Variants in C3orf85 observed in about 807,000 individuals in gnomAD.
The protein encoded by C3orf85 is chromosome 3 open reading frame 85.
Under a neutral mutation model 1.7 loss-of-function variants are expected in C3orf85, and 1 was observed. That is an observed-to-expected ratio of 0.60 (90% CI 0.21 to 2.86). The LOEUF is 2.86. Ranked by LOEUF, C3orf85 falls within the 30% of genes most tolerant of loss-of-function variation. C3orf85 has a pLI of 0.22. For synonymous variants in C3orf85, 17 were observed against 8.0 expected (o/e 2.13, Z -1.90); for missense variants, 29 against 21.3 (o/e 1.36, Z -0.72).
At chr3:109,143,249 C>T (rs924093193) in intron 2 of C3orf85, among the ~76,000 whole-genome samples, 8 of 152,148 alleles carry the variant, frequency 5.3e-5, no homozygotes, top group Non-Finnish European at 1.0e-4. Context: ...GCTTTCTGAT[C>T]TTTTAGATAT....
At chr3:109,146,354 C>T (rs1165173486) in intron 2 of C3orf85, 1 of 152,142 alleles carries the variant, frequency 6.6e-6, no homozygotes, top group Admixed American at 6.5e-5. Context: ...TCAGTAAGTG[C>T]GTATAATGCA....
intron 2 of C3orf85, among the ~76,000 whole-genome samples, chr3:109,144,188 G>C (rs185625240): frequency 1.3e-5 from 2 of 152,214 alleles, no homozygotes; most frequent in African/African-American, 4.8e-5. Context: ...ATATTAGATA[G>C]GTTCACAAAC....
intron 2 of C3orf85, among the ~76,000 whole-genome samples, chr3:109,142,892 C>T (rs2107834331): frequency 6.6e-6 from 1 of 152,242 alleles, no homozygotes; most frequent in African/African-American, 2.4e-5. Flanking sequence ...CTGAGAAGGG[C>T]TAATTTGGAA....
intron 2 of C3orf85, among the ~76,000 whole-genome samples, chr3:109,140,293 T>A (rs1706731003): frequency 6.6e-6 from 1 of 152,196 alleles, no homozygotes; most frequent in Non-Finnish European, 1.5e-5. Context: ...CGGAATTTAT[T>A]GGACGAAAAG....
At chr3:109,138,684 G>A (rs1442215004) in intron 2 of C3orf85, among the ~76,000 whole-genome samples, 1 of 152,044 alleles carries the variant, frequency 6.6e-6, no homozygotes, top group Admixed American at 6.6e-5. Context: ...TTTTCCTGAT[G>A]GGAATGCTGA....
chr3:109,141,097 C>T (rs1362434728), intron 2 of C3orf85, among the ~76,000 whole-genome samples: 1 of 152,172 alleles, frequency 6.6e-6, no homozygotes. Flanking sequence ...AGCGATTCTC[C>T]CGGCTCAGCC....
intron 3 of C3orf85, chr3:109,148,990 G>A (rs768986914): frequency 1.3e-5 from 2 of 152,080 alleles, no homozygotes; most frequent in Non-Finnish European, 2.9e-5. Context: ...CGCTGCAAAA[G>A]AAACAAAGAA....
chr3:109,137,156 C>T (rs569077836), intron 2 of C3orf85, among the ~76,000 whole-genome samples: 1 of 152,012 alleles, frequency 6.6e-6, no homozygotes, highest in Non-Finnish European at 1.5e-5. Context: ...CTAATTGCTG[C>T]TGCCTCCAAA....
chr3:109,140,885 T>C (rs1706737190), intron 2 of C3orf85, among the ~76,000 whole-genome samples: 1 of 152,240 alleles, frequency 6.6e-6, no homozygotes, highest in Non-Finnish European at 1.5e-5. Flanking sequence ...ATTCAATATG[T>C]CAGCAATTGT....
At chr3:109,139,392 A>G (rs1386968347) in intron 2 of C3orf85, among the ~76,000 whole-genome samples, 1 of 152,202 alleles carries the variant, frequency 6.6e-6, no homozygotes, top group African/African-American at 2.4e-5. Context: ...GACACCACCA[A>G]TGACTTTCAG....
At chr3:109,143,008 T>C (rs1706757639) in intron 2 of C3orf85, among the ~76,000 whole-genome samples, 1 of 152,144 alleles carries the variant, frequency 6.6e-6, no homozygotes, top group Non-Finnish European at 1.5e-5. Context: ...AAGCATGCCC[T>C]AGGAGGGCAG....
chr3:109,149,023 AT>A (rs1173083929), intron 3 of C3orf85: 1 of 151,314 alleles, frequency 6.6e-6, no homozygotes, highest in Non-Finnish European at 1.5e-5. Flanking sequence ...GGCCTTTTTT[AT>A]TCTATATTTA....
chr3:109,141,754 G>T (rs753754910), intron 2 of C3orf85, among the ~76,000 whole-genome samples: 1 of 152,242 alleles, frequency 6.6e-6, no homozygotes, highest in Non-Finnish European at 1.5e-5. Context: ...ACTTAGTGGG[G>T]CGTGGTGGCT....
At chr3:109,143,975 A>G (rs539692542) in intron 2 of C3orf85, among the ~76,000 whole-genome samples, 1 of 152,348 alleles carries the variant, frequency 6.6e-6, no homozygotes, top group Admixed American at 6.5e-5. Context: ...TACAGATCCT[A>G]TTAAAGCTGA....
intron 2 of C3orf85, among the ~76,000 whole-genome samples, chr3:109,144,189 G>T (rs78849004): frequency 1.3e-5 from 2 of 152,040 alleles, no homozygotes; most frequent in Non-Finnish European, 2.9e-5. Flanking sequence ...TATTAGATAG[G>T]TTCACAAACA....
intron 2 of C3orf85, among the ~76,000 whole-genome samples, 174 bp downstream of exon 2, chr3:109,137,070 CTGTGTGTGTG>C (rs3054419): frequency 6.7e-6 from 1 of 149,758 alleles, no homozygotes. Context: ...TTAATGTTAA[CTGTGTGTGTG>C]TGTGTGTGTG....
chr3:109,137,685 TC>T (rs1246015522), intron 2 of C3orf85, among the ~76,000 whole-genome samples: 2 of 128,274 alleles, frequency 1.6e-5, no homozygotes, highest in African/African-American at 5.3e-5. Context: ...AGCCTTCAAT[TC>T]CTAAACATAG....
rs1305054849 is a variant in C3orf85 at position 109,150,363 on chromosome 3, A to G, written c.*469A>G. 2.0e-5 allele frequency: 3 copies of G among 152,222 alleles called. No individual in the cohort carries two copies. The highest frequency in any genetic ancestry group is 4.8e-5 in the African/African-American group (2 of 41,452). The allele number at this position is 152,222 out of a possible 1,614,324, so 9.4% of individuals were successfully genotyped here. Reference sequence around the variant, plus strand: ...TCTTAAGTCAGTCGATTTTAAAACCATGACTTTGAAACGTTTTTCATCAAA... The same window carrying G: ...TCTTAAGTCAGTCGATTTTAAAACCGTGACTTTGAAACGTTTTTCATCAAA... On this transcript the variant is annotated 3_prime_UTR_variant, in exon 4 of 4. Transcript: ENST00000622536.
chr3:109,138,853 G>A (rs1038388775), intron 2 of C3orf85, among the ~76,000 whole-genome samples: 2 of 152,128 alleles, frequency 1.3e-5, no homozygotes, highest in African/African-American at 2.4e-5. Context: ...TAAAAAATAA[G>A]CATATAAACC....
Sources: gnomAD v4.1 joint callset for allele counts (sites outside exome capture counted in the v4.1 genomes callset) on GRCh38, gnomAD v4.1.1 for gene constraint, MANE v1.5 for transcripts, NCBI Gene and HGNC (gene_info 2026-07-23, HGNC 2026-07-21) for gene names.